DOCK2: variants seen among roughly 807,000 people sequenced by gnomAD.
DOCK2 encodes dedicator of cytokinesis protein 2.
A neutral mutation model predicts 248.9 loss-of-function variants in DOCK2; 87 were observed. The observed-to-expected ratio is 0.35, with a 90% CI of 0.29 to 0.42. The LOEUF (loss-of-function observed/expected upper bound fraction) is 0.42, where lower values mean the gene tolerates loss of function less well. Among genes scored for constraint, DOCK2 ranks in the 10% least tolerant of loss-of-function variants. The pLI is 1.00. For missense variants in DOCK2, 1,747 were observed against 2,300.2 expected (o/e 0.76, Z 4.92); for synonymous variants, 805 against 821.6 (o/e 0.98, Z 0.35).
At chr5:169,741,892 C>G (rs1763329909) in intron 22 of DOCK2, among the ~76,000 whole-genome samples, 1 of 148,146 alleles carries the variant, frequency 6.8e-6, no homozygotes, top group Non-Finnish European at 1.5e-5. Context: ...TTACCGCAAG[C>G]TCTGCCTCCC....
intron 6 of DOCK2, among the ~76,000 whole-genome samples, chr5:169,680,366 G>A (rs776074392): frequency 1.8e-4 from 28 of 152,178 alleles, no homozygotes; most frequent in East Asian, 3.8e-4. Flanking sequence ...CACTGATGCC[G>A]ATCAGGATGA....
At chr5:169,685,663 G>A (rs1195974984) in intron 8 of DOCK2, among the ~76,000 whole-genome samples, 1 of 152,208 alleles carries the variant, frequency 6.6e-6, no homozygotes, top group African/African-American at 2.4e-5. Context: ...CATGCCTGAG[G>A]AATAGTGGTG....
intron 40 of DOCK2, among the ~76,000 whole-genome samples, chr5:170,048,837 T>C (rs894006915): frequency 6.6e-6 from 1 of 152,196 alleles, no homozygotes; most frequent in African/African-American, 2.4e-5. Flanking sequence ...CTTCCTTCAG[T>C]CTGTGAGCCT....
intron 27 of DOCK2, chr5:169,882,825 C>T (rs534029058): frequency 6.5e-6 from 10 of 1,550,108 alleles, no homozygotes; most frequent in South Asian, 3.6e-5. Flanking sequence ...GGTTGTTTGC[C>T]GTCTGCTCCT....
At chr5:170,067,424 C>T in intron 44 of DOCK2, 86 bp from the exon 45 acceptor site, 1 of 1,406,884 alleles carries the variant, frequency 7.1e-7, no homozygotes, top group Non-Finnish European at 9.8e-7. Flanking sequence ...TGAATTCCCA[C>T]CCCAAGTGAA....
At chr5:170,021,861 G>A (rs1180454126) in intron 33 of DOCK2, among the ~76,000 whole-genome samples, 1 of 152,152 alleles carries the variant, frequency 6.6e-6, no homozygotes, top group Non-Finnish European at 1.5e-5. Context: ...ATCCCAAGCA[G>A]CCTTGATGGC....
chr5:169,895,979 C>T (rs990878956), intron 27 of DOCK2, among the ~76,000 whole-genome samples: 3 of 152,158 alleles, frequency 2.0e-5, no homozygotes, highest in Non-Finnish European at 2.9e-5. Flanking sequence ...GAACAGGGAC[C>T]TTTATGTGAA....
At chr5:169,811,891 C>T (rs1457693314) in intron 26 of DOCK2, among the ~76,000 whole-genome samples, 5 of 152,194 alleles carry the variant, frequency 3.3e-5, no homozygotes. Context: ...CCTGGAGGAG[C>T]CTCTACAGGC....
chr5:169,993,929 A>T (rs1778271990), intron 29 of DOCK2, among the ~76,000 whole-genome samples: 1 of 151,748 alleles, frequency 6.6e-6, no homozygotes, highest in Non-Finnish European at 1.5e-5. Context: ...TCTTATATGC[A>T]AATGTGTTCT....
intron 26 of DOCK2, among the ~76,000 whole-genome samples, chr5:169,804,125 G>C (rs911013272): frequency 6.6e-6 from 1 of 152,182 alleles, no homozygotes; most frequent in Admixed American, 6.5e-5. Context: ...TGAATGAACT[G>C]TGTCTATTAT....
intron 9 of DOCK2, among the ~76,000 whole-genome samples, chr5:169,689,927 G>A (rs1441530316): frequency 1.3e-5 from 2 of 152,228 alleles, no homozygotes; most frequent in Non-Finnish European, 2.9e-5. Context: ...ATTTATTTCT[G>A]AGAGCGAAGC....
intron 22 of DOCK2, among the ~76,000 whole-genome samples, chr5:169,744,509 C>A (rs183867473): frequency 6.6e-6 from 1 of 151,992 alleles, no homozygotes; most frequent in East Asian, 1.9e-4. Flanking sequence ...TCTACTCTGC[C>A]AAGTTCTGAC....
intron 27 of DOCK2, among the ~76,000 whole-genome samples, chr5:169,968,193 C>G (rs2113758813): frequency 6.6e-6 from 1 of 152,340 alleles, no homozygotes; most frequent in African/African-American, 2.4e-5. Flanking sequence ...TGACCCCAAT[C>G]ATGGGCTGGT....
Position 169,838,050 on chromosome 5 carries a change from G to A in DOCK2, c.2704-2707G>A, listed in dbSNP as rs559963861. On this transcript the variant is annotated intron_variant, in intron 26 of 51. Transcript: ENST00000520908. ...ATATAAATTTGATGAAATTGCAAAGGAATGCAGAAAATATAAGGGAGGGGG... is the reference window on the plus strand; with the variant it reads ...ATATAAATTTGATGAAATTGCAAAGAAATGCAGAAAATATAAGGGAGGGGG... Among the ~76,000 whole-genome samples the A allele has an allele frequency of 3.3e-5, 5 of 152,232 alleles. No individual in the cohort carries two copies. In the South Asian group the frequency reaches 1.0e-3, roughly 32 times the overall value.
chr5:169,719,519 G>C (rs568042276), intron 22 of DOCK2, among the ~76,000 whole-genome samples: 3 of 152,340 alleles, frequency 2.0e-5, no homozygotes, highest in Admixed American at 6.5e-5. Flanking sequence ...CTGACTTAGG[G>C]AGAAATGAGA....
chr5:170,004,923 G>T (rs1460786677), intron 30 of DOCK2, among the ~76,000 whole-genome samples: 2 of 123,832 alleles, frequency 1.6e-5, no homozygotes, highest in Middle Eastern at 4.3e-3. Flanking sequence ...GTGGTGGGGT[G>T]GGGGGAGGGG....
At chr5:169,864,552 G>A in intron 27 of DOCK2, 1 of 1,021,716 alleles carries the variant, frequency 9.8e-7, no homozygotes, top group South Asian at 1.7e-5. Flanking sequence ...GGAAGAGCAT[G>A]AGCTTTGGGA....
intron 17 of DOCK2, among the ~76,000 whole-genome samples, chr5:169,712,880 C>T (rs907656321): frequency 6.6e-6 from 1 of 152,248 alleles, no homozygotes; most frequent in African/African-American, 2.4e-5. Flanking sequence ...TGCTTTTCCA[C>T]ATGTCCTCTT....
At chr5:169,669,677 T>C (rs576433462) in intron 3 of DOCK2, among the ~76,000 whole-genome samples, 1 of 152,310 alleles carries the variant, frequency 6.6e-6, no homozygotes, top group South Asian at 2.1e-4. Flanking sequence ...CATTCAGTCA[T>C]CTCCTCATCC....
Sources: gnomAD v4.1 joint callset for allele counts (sites outside exome capture counted in the v4.1 genomes callset) on GRCh38, gnomAD v4.1.1 for gene constraint, MANE v1.5 for transcripts, NCBI Gene and HGNC (gene_info 2026-07-23, HGNC 2026-07-21) for gene names.